Variants in IQSEC1 observed in about 807,000 individuals in gnomAD.
IQSEC1 encodes IQ motif and SEC7 domain-containing protein 1.
IQSEC1 carries 31 observed loss-of-function variants against 91.0 expected under a neutral mutation model. That is an observed-to-expected ratio of 0.34 (90% CI 0.26 to 0.46). The LOEUF is 0.46. Ranked by LOEUF, IQSEC1 falls within the 20% of genes least tolerant of loss-of-function variation. The probability of loss-of-function intolerance (pLI) is 1.00; values close to 1 mark genes in which losing one functional copy is unlikely to be tolerated. For synonymous variants in IQSEC1, 699 were observed against 662.6 expected (o/e 1.05, Z -0.84); for missense variants, 1,388 against 1,575.6 (o/e 0.88, Z 2.02).
intron 1 of IQSEC1, among the ~76,000 whole-genome samples, chr3:13,070,688 C>G (rs1360670993): frequency 6.6e-6 from 1 of 152,192 alleles, no homozygotes; most frequent in Non-Finnish European, 1.5e-5. Flanking sequence ...ATTTCTGGTG[C>G]CAATAGGTTT....
rs1701374512 is a variant in IQSEC1 at position 12,979,969 on chromosome 3, T to C, written c.24-38104A>G. Among the ~76,000 whole-genome samples, 2 of 152,198 alleles carry C rather than the reference T, an allele frequency of 1.3e-5. No homozygotes were observed. The highest frequency in any genetic ancestry group is 6.5e-5 in the Admixed American group (1 of 15,274). Reference sequence around the variant, plus strand: ...CTACCTGAGGTGGGGGAAGGCAGCCTGGTGCCAGGGGCATGCAGCTGGAGG... The same window carrying C: ...CTACCTGAGGTGGGGGAAGGCAGCCCGGTGCCAGGGGCATGCAGCTGGAGG... On this transcript the variant is annotated intron_variant, in intron 1 of 13. Transcript: ENST00000613206. The surrounding 1 kb of genome is among the most constrained non-coding windows in gnomAD (Gnocchi z 4.3).
intron 2 of IQSEC1, among the ~76,000 whole-genome samples, chr3:13,129,194 A>G (rs1223534135): frequency 6.6e-6 from 1 of 152,082 alleles, no homozygotes; most frequent in African/African-American, 2.4e-5. Context: ...TACTATTGAG[A>G]TTTGTTAGTT....
chr3:12,937,467 T>C (rs2005474), intron 2 of IQSEC1, among the ~76,000 whole-genome samples: 1 of 152,190 alleles, frequency 6.6e-6, no homozygotes, highest in African/African-American at 2.4e-5. Flanking sequence ...TGTGGCCAGA[T>C]GGGTCACTGA....
At chr3:13,021,364 C>T (rs1163403118) in intron 1 of IQSEC1, among the ~76,000 whole-genome samples, 2 of 152,224 alleles carry the variant, frequency 1.3e-5, no homozygotes, top group Non-Finnish European at 2.9e-5. Flanking sequence ...CCCCCACCAC[C>T]CCCCACAGCT....
intron 1 of IQSEC1, among the ~76,000 whole-genome samples, chr3:12,950,068 G>A (rs1260547949): frequency 1.3e-5 from 2 of 152,200 alleles, no homozygotes; most frequent in Admixed American, 6.5e-5. Context: ...GCCACTATGC[G>A]ACGGGGGAGC....
At position 13,144,288 on chromosome 3, in the gene IQSEC1, CTGCCTAGA is replaced by C. The variant is rs1706848830; in HGVS notation, c.302+19808_302+19815del. Among the ~76,000 whole-genome samples the C allele has an allele frequency of 2.6e-5, 4 of 152,324 alleles. No individual in the cohort carries two copies. The East Asian group carries it at 7.7e-4, about 29-fold the overall frequency. On this transcript the variant is annotated intron_variant, in intron 2 of 15. Coordinates refer to the IQSEC1 transcript ENST00000648114. ...GCTGGACTGCACGCCCGGGCTCTGGCTGCCTAGAAAGCCGTGTGCTGTGGCCAAACCCA... is the reference window on the plus strand; with the variant it reads ...GCTGGACTGCACGCCCGGGCTCTGGCAAGCCGTGTGCTGTGGCCAAACCCA...
rs535589863 is a variant in IQSEC1, at chr3:13,103,835, G to A, written c.303-56313C>T. ...CATCACTGCTCTCTCCCCAGCGTGC[G>A]GCACATAGTAGGTGCTCAGTAAGTC... is the stretch of plus-strand genomic sequence containing the variant. On this transcript the variant is annotated intron_variant, in intron 2 of 15. Coordinates refer to the IQSEC1 transcript ENST00000648114. The surrounding 1 kb of genome is among the most constrained non-coding windows in gnomAD (Gnocchi z 4.1). 1.5e-4 allele frequency among the ~76,000 whole-genome samples: 23 copies of A among 152,294 alleles called. No homozygotes were observed. The highest frequency in any genetic ancestry group is 4.3e-4 in the African/African-American group (18 of 41,564).
intron 2 of IQSEC1, among the ~76,000 whole-genome samples, chr3:13,124,102 C>T (rs981342950): frequency 1.3e-5 from 2 of 152,214 alleles, no homozygotes; most frequent in African/African-American, 4.8e-5. Context: ...GCAACTGCTT[C>T]GTTCCACAGA....
chr3:13,143,799 G>C (rs1251589536), intron 2 of IQSEC1, among the ~76,000 whole-genome samples: 1 of 152,218 alleles, frequency 6.6e-6, no homozygotes, highest in African/African-American at 2.4e-5. Flanking sequence ...GCCAGGGAGG[G>C]GTTGGGAAAG....
At chr3:13,209,490 G>A (rs1315878232) in intron 1 of IQSEC1, among the ~76,000 whole-genome samples, 1 of 152,188 alleles carries the variant, frequency 6.6e-6, no homozygotes, top group African/African-American at 2.4e-5. Flanking sequence ...AGGCTGTGCT[G>A]GGGCCTCCTT....
At chr3:13,276,607 C>T (rs1290507817) in intron 1 of IQSEC1, among the ~76,000 whole-genome samples, 5 of 152,134 alleles carry the variant, frequency 3.3e-5, no homozygotes, top group South Asian at 2.1e-4. Context: ...CAGCCTGCTA[C>T]GGGGACAGGG....
intron 2 of IQSEC1, among the ~76,000 whole-genome samples, chr3:13,097,614 G>A (rs1216571288): frequency 6.6e-6 from 1 of 152,182 alleles, no homozygotes; most frequent in Non-Finnish European, 1.5e-5. Context: ...TGCTGTGAAC[G>A]CCTGATAAAC....
At chr3:12,934,599 C>CT (rs1194476905) in intron 3 of IQSEC1, among the ~76,000 whole-genome samples, 1 of 152,136 alleles carries the variant, frequency 6.6e-6, no homozygotes, top group East Asian at 1.9e-4. Flanking sequence ...AGGCCAGCAT[C>CT]TGATGAGGCC....
At chr3:13,042,058 T>C (rs1704292988) in intron 1 of IQSEC1, among the ~76,000 whole-genome samples, 2 of 152,172 alleles carry the variant, frequency 1.3e-5, no homozygotes, top group Non-Finnish European at 2.9e-5. Flanking sequence ...CAGTCCAGGG[T>C]GACTCTTTCT....
At chr3:13,109,029 C>A (rs761624430) in intron 2 of IQSEC1, among the ~76,000 whole-genome samples, 2 of 152,200 alleles carry the variant, frequency 1.3e-5, no homozygotes, top group African/African-American at 2.4e-5. Context: ...TGGATGCATG[C>A]GTCCAAACAG....
At chr3:12,996,321 AC>A (rs1407933292) in intron 1 of IQSEC1, among the ~76,000 whole-genome samples, 2 of 152,210 alleles carry the variant, frequency 1.3e-5, no homozygotes, top group Non-Finnish European at 1.5e-5. Context: ...AGTGAGAATG[AC>A]AAAGGTTTTA....
intron 1 of IQSEC1, among the ~76,000 whole-genome samples, chr3:13,273,724 A>G (rs1695626189): frequency 6.6e-6 from 1 of 151,952 alleles, no homozygotes; most frequent in East Asian, 1.9e-4. Context: ...GCCCAGACCT[A>G]AGTCCCATCA....
At chr3:13,215,515 T>C (rs1473838161) in intron 1 of IQSEC1, among the ~76,000 whole-genome samples, 2 of 152,296 alleles carry the variant, frequency 1.3e-5, no homozygotes, top group South Asian at 2.1e-4. Flanking sequence ...AGCTTCACAA[T>C]TGCAATTAGC....
rs1700857160 is a variant in IQSEC1 at position 12,970,841 on chromosome 3, C to T, written c.24-28976G>A. On this transcript the variant is annotated intron_variant, in intron 1 of 13. Transcript: ENST00000613206. This position sits in a 1 kb window ranked among gnomAD's most constrained non-coding sequence, Gnocchi z 4.4. ...GTTACTCTGCACCTGCTTGCTTATA[C>T]CAGTGAGCTGTATTCCAACTGCCAG... Among the ~76,000 whole-genome samples, 1 of 152,228 alleles carries T rather than the reference C, an allele frequency of 6.6e-6. No homozygotes were observed. The highest frequency in any genetic ancestry group is 1.5e-5 in the Non-Finnish European group (1 of 68,050).
Sources: gnomAD v4.1 joint callset for allele counts (sites outside exome capture counted in the v4.1 genomes callset) on GRCh38, gnomAD v4.1.1 for gene constraint, Gnocchi (gnomAD v3.1) non-coding constraint, MANE v1.5 for transcripts, NCBI Gene and HGNC (gene_info 2026-07-23, HGNC 2026-07-21) for gene names.